ZNF75D: variants seen among roughly 807,000 people sequenced by gnomAD.
ZNF75D encodes zinc finger protein 75D, also known as zinc finger protein 75.
In ZNF75D, 33 loss-of-function variants were observed where a neutral mutation model predicts 33.3. The ratio of observed to expected loss-of-function variants is 0.99; its 90% CI spans 0.75 to 1.32. The LOEUF is 1.32. Ranked by LOEUF, ZNF75D falls within the 40% of genes most tolerant of loss-of-function variation. ZNF75D has a pLI of 0.00. For synonymous variants in ZNF75D, 113 were observed against 130.6 expected (o/e 0.87, Z 0.92); for missense variants, 338 against 367.5 (o/e 0.92, Z 0.66).
intron 1 of ZNF75D, among the ~76,000 whole-genome samples, chrX:135,321,906 G>T (rs1202671878): frequency 8.9e-6 from 1 of 111,982 alleles, no homozygotes; most frequent in Non-Finnish European, 1.9e-5. Flanking sequence ...AGCTCAGGGT[G>T]CAAATACAAA....
At chrX:135,328,046 G>A (rs1332562097) in intron 1 of ZNF75D, among the ~76,000 whole-genome samples, 2 of 112,119 alleles carry the variant, frequency 1.8e-5, no homozygotes, top group African/African-American at 6.5e-5. Context: ...TATGGGTATT[G>A]TCCAGAGGCA....
chrX:135,261,532 T>C (rs1483304306), intron 1 of ZNF75D, among the ~76,000 whole-genome samples: 1 of 112,400 alleles, frequency 8.9e-6, no homozygotes, highest in African/African-American at 3.2e-5. Flanking sequence ...GTTGAATTGA[T>C]CCCTTTACCA....
In ZNF75D at chrX:135,293,758, T is replaced by C. The variant is rs782164673; in HGVS notation, c.383A>G (p.Gln128Arg). The stretch of plus-strand genomic sequence containing the variant: ...ATTCTTTGTTCCATCAGGCTCCCTC[T>C]GCAAGAATTCCACCAGGACCAGAGC... The part of the protein sequence containing the change: ...KQALVLVEFL[Q>R]REPDGTKNEV... Residue 128 changes from glutamine (Q) to arginine (R), a missense_variant, in exon 3 of 7, where the codon CAG becomes CGG. By Grantham distance (43) the Gln-to-Arg change is conservative (BLOSUM62 1). Transcript: ENST00000370766. The C allele has an allele frequency of 5.9e-6, 7 of 1,186,418 alleles. No individual in the cohort carries two copies. The highest frequency in any genetic ancestry group is 7.9e-6 in the Non-Finnish European group (7 of 881,940).
intron 1 of ZNF75D, among the ~76,000 whole-genome samples, chrX:135,308,272 G>A (rs1420968554): frequency 2.7e-5 from 3 of 112,262 alleles, no homozygotes; most frequent in African/African-American, 9.7e-5. Flanking sequence ...CAGGGAAAAA[G>A]AGAGAGTGTG....
chrX:135,326,902 A>C (rs2084586742), intron 1 of ZNF75D, among the ~76,000 whole-genome samples: 1 of 112,530 alleles, frequency 8.9e-6, no homozygotes, highest in Non-Finnish European at 1.9e-5. Context: ...CCACCTTAAG[A>C]GCTATAACAC....
chrX:135,322,811 A>T (rs1379236025), intron 1 of ZNF75D, among the ~76,000 whole-genome samples: 1 of 112,216 alleles, frequency 8.9e-6, no homozygotes, highest in African/African-American at 3.2e-5. Context: ...GCCATAGAAA[A>T]TTAGGCAATG....
chrX:135,323,298 C>A (rs886686985), intron 1 of ZNF75D, among the ~76,000 whole-genome samples: 1 of 111,895 alleles, frequency 8.9e-6, no homozygotes, highest in Non-Finnish European at 1.9e-5. Context: ...GGGCTTAAGT[C>A]GGGTTTGAAT....
chrX:135,257,976 C>G (rs1342736786), intron 1 of ZNF75D, among the ~76,000 whole-genome samples: 1 of 108,912 alleles, frequency 9.2e-6, no homozygotes, highest in Non-Finnish European at 1.9e-5. Context: ...CCCCACCACC[C>G]AACAGGCCCT....
At chrX:135,265,856 A>G (rs1340915965) in intron 1 of ZNF75D, among the ~76,000 whole-genome samples, 2 of 112,387 alleles carry the variant, frequency 1.8e-5, no homozygotes, top group African/African-American at 6.5e-5. Flanking sequence ...TACAGTTGAC[A>G]TAAGTAGAAA....
chrX:135,263,765 T>C (rs1240198173), intron 1 of ZNF75D, among the ~76,000 whole-genome samples: 2 of 112,756 alleles, frequency 1.8e-5, no homozygotes, highest in Non-Finnish European at 3.8e-5. Context: ...TGACCCCTTG[T>C]GCTTCCTGGG....
chrX:135,294,910 C>T (rs1051162521), intron 2 of ZNF75D, among the ~76,000 whole-genome samples: 2 of 111,561 alleles, frequency 1.8e-5, no homozygotes, highest in African/African-American at 3.3e-5. Context: ...AGTACTTCTT[C>T]GAAAGACTTA....
At chrX:135,259,798 C>G (rs1556415202) in intron 1 of ZNF75D, among the ~76,000 whole-genome samples, 1 of 111,780 alleles carries the variant, frequency 8.9e-6, no homozygotes, top group Non-Finnish European at 1.9e-5. Flanking sequence ...CTTCTCTTGC[C>G]TGATTGTCCT....
At chrX:135,283,613 T>C (rs782679106), downstream of ZNF75D, among the ~76,000 whole-genome samples, 1 of 112,134 alleles carries the variant, frequency 8.9e-6, no homozygotes, top group South Asian at 3.7e-4. Context: ...CCCATTCCTC[T>C]GGGAATAGTG....
At position 135,293,210 on chromosome X, in the gene ZNF75D, G is replaced by A. The variant is rs191411678; in HGVS notation, c.411+520C>T. Among the ~76,000 whole-genome samples, 4 of 111,870 alleles carry A rather than the reference G, an allele frequency of 3.6e-5. No homozygotes were observed. The Admixed American group carries it at 3.8e-4, about 11-fold the overall frequency. On this transcript the variant is annotated intron_variant, in intron 3 of 6. Transcript: ENST00000370766. ...CTGCTATAGAAGATACTACCCCTTA[G>A]CATCCTGATTCCCTCCACTTCTCTG... is the stretch of plus-strand genomic sequence containing the variant.
intron 1 of ZNF75D, among the ~76,000 whole-genome samples, chrX:135,303,915 C>T (rs1458188952): frequency 8.9e-6 from 1 of 112,590 alleles, no homozygotes; most frequent in Non-Finnish European, 1.9e-5. Flanking sequence ...AAAGTTAATC[C>T]AGAGGACAAG....
At chrX:135,257,617 G>A (rs1011436963) in intron 1 of ZNF75D, among the ~76,000 whole-genome samples, 1 of 112,788 alleles carries the variant, frequency 8.9e-6, no homozygotes, top group Non-Finnish European at 1.9e-5. Context: ...ATGACCTTGG[G>A]CAAGGCCCAC....
intron 1 of ZNF75D, among the ~76,000 whole-genome samples, chrX:135,264,049 A>C (rs782607772): frequency 4.6e-4 from 51 of 111,806 alleles, no homozygotes; most frequent in African/African-American, 1.6e-3. Context: ...TCATTTTCAC[A>C]CTGCTATAAA....
At chrX:135,311,629 A>C (rs2084360281) in intron 1 of ZNF75D, among the ~76,000 whole-genome samples, 1 of 112,074 alleles carries the variant, frequency 8.9e-6, no homozygotes, top group Non-Finnish European at 1.9e-5. Context: ...TAACATGTTT[A>C]ACAACAGATC....
intron 1 of ZNF75D, among the ~76,000 whole-genome samples, chrX:135,260,674 T>G (rs958882446): frequency 8.9e-6 from 1 of 112,221 alleles, no homozygotes; most frequent in African/African-American, 3.2e-5. Context: ...TGTGTATATT[T>G]GATTCTTCTC....
Sources: allele counts gnomAD v4.1 joint callset (sites outside exome capture counted in the v4.1 genomes callset), GRCh38; gene constraint gnomAD v4.1.1; transcripts MANE v1.5; gene names NCBI Gene and HGNC (gene_info 2026-07-23, HGNC 2026-07-21).